FBN2: variants seen among roughly 807,000 people sequenced by gnomAD.
The protein encoded by FBN2 is fibrillin 2, also known as fibrillin-2.
Under a neutral mutation model 355.6 loss-of-function variants are expected in FBN2, and 105 were observed. The observed-to-expected ratio is 0.30, with a 90% CI of 0.25 to 0.35. FBN2 has a LOEUF of 0.35. FBN2 is among the 10% of genes least tolerant of loss of function. The pLI, the probability that FBN2 is intolerant of heterozygous loss-of-function variation, is 1.00. For synonymous variants in FBN2, 1,350 were observed against 1,301.2 expected (o/e 1.04, Z -0.81); for missense variants, 3,280 against 3,758.7 (o/e 0.87, Z 3.33).
At position 128,268,457 on chromosome 5, in the gene FBN2, C is replaced by A. The variant is rs468438; in HGVS notation, c.7960+3542G>T. Among the ~76,000 whole-genome samples the A allele has an allele frequency of 0.052, 7,924 of 152,236 alleles. 1,097 individuals are homozygous for A. In the East Asian group the frequency reaches 0.57, roughly 11 times the overall value. ...ATTCTACCAGAGGTACCAAGAGGAG[C>A]TGGTACCATTCCTTCTGAAACTATT... On this transcript the variant is annotated intron_variant, in intron 62 of 64. Transcript: ENST00000262464.
Position 128,345,466 on chromosome 5 carries a change from C to A in FBN2, c.3108G>T (p.Glu1036Asp). The A allele has an allele frequency of 6.2e-7, 1 of 1,614,152 alleles. No homozygotes were observed. The highest frequency in any genetic ancestry group is 2.2e-5 in the East Asian group (1 of 44,876). Residue 1036 changes from glutamate to aspartate, a missense_variant, in exon 24 of 65, where the codon GAG (glutamate) becomes GAT (aspartate). Coordinates refer to ENST00000262464, the MANE Select transcript of FBN2 (RefSeq NM_001999.4). ...TGCCAGGTTTGGGGCACTCCTCACA[C>A]TCGGTGCCCCAAGCCGCCCCGACAG... ...CCAVGAAWGTECEECPKPGTK... is the reference protein window; with the variant it reads ...CCAVGAAWGTDCEECPKPGTK...
chr5:128,395,083 CAG>C (rs751929080), intron 9 of FBN2, 37 bp downstream of exon 9: 7 of 1,612,192 alleles, frequency 4.3e-6, no homozygotes, highest in Non-Finnish European at 5.9e-6. Flanking sequence ...ATTTTCCTAA[CAG>C]TGTCTGTGCT....
At chr5:128,475,283 G>A (rs1298878864) in intron 5 of FBN2, among the ~76,000 whole-genome samples, 2 of 152,036 alleles carry the variant, frequency 1.3e-5, no homozygotes, top group African/African-American at 2.4e-5. Flanking sequence ...TTATTGTCAG[G>A]GAAACCCATA....
rs374833053 is a variant in FBN2 at position 128,336,010 on chromosome 5, C to T, written c.3702G>A (p.Thr1234=). The change falls in exon 28 of 65, where the codon ACG becomes ACA. Residue 1234 remains threonine, a synonymous_variant. Transcript: ENST00000262464. ...QCSCNPGYQA[T]PDRQGCTDID... The stretch of plus-strand genomic sequence containing the variant: ...TACCTGTACAGCCCTGGCGGTCTGG[C>T]GTAGCCTGATATCCAGGATTGCAAG... The T allele has an allele frequency of 1.2e-4, 189 of 1,614,094 alleles. No individual in the cohort carries two copies. Among genetic ancestry groups the T allele is most frequent in the East Asian group, 2.2e-4 (10 of 44,894 alleles).
intron 5 of FBN2, among the ~76,000 whole-genome samples, chr5:128,484,409 T>C (rs1245182944): frequency 6.6e-6 from 1 of 152,162 alleles, no homozygotes; most frequent in Non-Finnish European, 1.5e-5. Flanking sequence ...TAGAAAGAAA[T>C]ATATATATTT....
At chr5:128,377,304 C>G (rs1018055969) in intron 13 of FBN2, among the ~76,000 whole-genome samples, 1 of 152,038 alleles carries the variant, frequency 6.6e-6, no homozygotes, top group African/African-American at 2.4e-5. Context: ...ATATCACAAG[C>G]CACAGTTTTA....
Position 128,287,325 on chromosome 5 carries a change from T to C in FBN2, c.6863A>G (p.Asp2288Gly), listed in dbSNP as rs778377679. 3 of 1,614,032 alleles carry C rather than the reference T, an allele frequency of 1.9e-6. No homozygotes were observed. The highest frequency in any genetic ancestry group is 2.5e-6 in the Non-Finnish European group (3 of 1,179,908). The change falls in exon 54 of 65, where the codon GAT (aspartate) becomes GGT (glycine). Residue 2288 changes from aspartate (D) to glycine (G), a missense_variant. Asp to Gly is a moderately conservative substitution (Grantham distance 94). This residue lies in a region of FBN2 where 2,284 missense variants were observed against 2,749.5 expected (regional missense o/e 0.83). Transcript: ENST00000262464. ...TCPIGYALRE[D>G]QKMCKDLDEC... is the part of the protein sequence containing the mutation. Reference sequence around the variant, plus strand: ...GGCCTTACCTTTGCACATCTTTTGATCTTCCCTGAGGGCATAGCCAATCGG... The same window carrying C: ...GGCCTTACCTTTGCACATCTTTTGACCTTCCCTGAGGGCATAGCCAATCGG...
At chr5:128,460,448 T>C (rs1267826055) in intron 6 of FBN2, among the ~76,000 whole-genome samples, 1 of 152,176 alleles carries the variant, frequency 6.6e-6, no homozygotes, top group Non-Finnish European at 1.5e-5. Flanking sequence ...ATTTATAGAT[T>C]CAATGCTATT....
chr5:128,457,963 T>C (rs1754445420), intron 6 of FBN2, among the ~76,000 whole-genome samples: 1 of 151,786 alleles, frequency 6.6e-6, no homozygotes, highest in Admixed American at 6.6e-5. Flanking sequence ...CATGTGACAA[T>C]ACTAACCTTA....
chr5:128,417,968 T>C (rs1437997561), intron 7 of FBN2, among the ~76,000 whole-genome samples: 1 of 152,106 alleles, frequency 6.6e-6, no homozygotes, highest in African/African-American at 2.4e-5. Context: ...GGCTTTTCTT[T>C]GTTGGGAGAT....
chr5:128,328,397 C>T (rs1750609164), intron 34 of FBN2: 1 of 595,574 alleles, frequency 1.7e-6, no homozygotes, highest in Admixed American at 3.0e-5. Context: ...AATAGTTTCT[C>T]CACATGTCAT....
In FBN2 at chr5:128,279,614, C is replaced by T. The variant is rs529793205; in HGVS notation, c.7138+578G>A. On this transcript the variant is annotated intron_variant, in intron 56 of 64. Coordinates refer to ENST00000262464, the MANE Select transcript of FBN2 (RefSeq NM_001999.4). The stretch of plus-strand genomic sequence containing the variant: ...ATGTTAAATCAAGTGATGAGTCAAA[C>T]AGCTTAGCGCTCTTATTTCTTTGTT... Among the ~76,000 whole-genome samples the T allele has an allele frequency of 9.1e-4, 138 of 152,172 alleles. No homozygotes were observed. The Middle Eastern group carries it at 0.014, about 15-fold the overall frequency.
At chr5:128,306,053 A>C in intron 42 of FBN2, 105 bp from the exon 43 acceptor site, 1 of 1,173,904 alleles carries the variant, frequency 8.5e-7, no homozygotes, top group East Asian at 2.4e-5. Flanking sequence ...ACAAATATTC[A>C]GTGTCACAAA....
chr5:128,315,118 C>T (rs1750166239), intron 36 of FBN2, among the ~76,000 whole-genome samples: 1 of 152,150 alleles, frequency 6.6e-6, no homozygotes, highest in Admixed American at 6.5e-5. Context: ...TTACCAACTA[C>T]ATCCAAGGAA....
rs1749711545 is a variant in FBN2 at position 128,301,363 on chromosome 5, T to G, written c.6046+19A>C. 1.2e-6 allele frequency: 2 copies of G among 1,608,356 alleles called. No homozygotes were observed. Among genetic ancestry groups the G allele is most frequent in the African/African-American group, 1.3e-5 (1 of 74,816 alleles). On this transcript the variant is annotated intron_variant, in intron 47 of 64. Transcript: ENST00000262464. ...CAAAACATAACACCACAAAGACTGC[T>G]TATTATTTAAATACTTACCTATACA...
At chr5:128,464,225 T>C (rs1445072683) in intron 6 of FBN2, among the ~76,000 whole-genome samples, 1 of 152,184 alleles carries the variant, frequency 6.6e-6, no homozygotes, top group African/African-American at 2.4e-5. Context: ...CAACCCAGGT[T>C]ACAAAGTCTG....
At chr5:128,324,779 G>A (rs770342217) in intron 34 of FBN2, among the ~76,000 whole-genome samples, 2 of 151,844 alleles carry the variant, frequency 1.3e-5, no homozygotes, top group Admixed American at 6.6e-5. Flanking sequence ...CATCATGCCC[G>A]GCTAACTTTT....
chr5:128,407,689 T>G (rs1321058360), intron 8 of FBN2, among the ~76,000 whole-genome samples: 1 of 152,326 alleles, frequency 6.6e-6, no homozygotes, highest in African/African-American at 2.4e-5. Flanking sequence ...TATCAGTACA[T>G]TTAATCAAAT....
At chr5:128,276,208 C>G (rs1765391410) in intron 58 of FBN2, 48 bp from the exon 59 acceptor site, 1 of 1,592,584 alleles carries the variant, frequency 6.3e-7, no homozygotes. Flanking sequence ...AAAGAAACAA[C>G]CAGACTCTTT....
Sources: gnomAD v4.1 joint callset for allele counts (sites outside exome capture counted in the v4.1 genomes callset) on GRCh38, gnomAD v4.1.1 for gene constraint, gnomAD v4.1.1 regional missense constraint, MANE v1.5 for transcripts, NCBI Gene and HGNC (gene_info 2026-07-23, HGNC 2026-07-21) for gene names.